The following HSPBAP1 variants were observed in gnomAD, a reference collection of about 807,000 sequenced individuals.
HSPBAP1 encodes the protein HSPB1 associated protein 1, also known as HSPB1-associated protein 1.
In HSPBAP1, 27 loss-of-function variants were observed where a neutral mutation model predicts 45.2. That is an observed-to-expected ratio of 0.60 (90% CI 0.44 to 0.82). The LOEUF (loss-of-function observed/expected upper bound fraction) is 0.82, where lower values mean the gene tolerates loss of function less well. Among genes scored for constraint, HSPBAP1 ranks in the 40% least tolerant of loss-of-function variants. The pLI, the probability that HSPBAP1 is intolerant of heterozygous loss-of-function variation, is 0.00. For synonymous variants in HSPBAP1, 204 were observed against 202.7 expected (o/e 1.01, Z -0.06); for missense variants, 510 against 590.9 (o/e 0.86, Z 1.42).
chr3:122,781,607 A>T (rs1048691234), intron 1 of HSPBAP1, among the ~76,000 whole-genome samples: 2 of 151,526 alleles, frequency 1.3e-5, no homozygotes, highest in Non-Finnish European at 2.9e-5. Context: ...AGTTTTTTTA[A>T]CCCTTGCTCC....
chr3:122,756,098 G>A (rs544985983), intron 4 of HSPBAP1, among the ~76,000 whole-genome samples: 74 of 152,240 alleles, frequency 4.9e-4, no homozygotes, highest in African/African-American at 1.8e-3. Context: ...TGCCAATAGA[G>A]GGAAGACATC....
intron 6 of HSPBAP1, among the ~76,000 whole-genome samples, chr3:122,746,701 G>T (rs988136620): frequency 6.6e-6 from 1 of 151,454 alleles, no homozygotes; most frequent in Non-Finnish European, 1.5e-5. Context: ...CTCTGATGCC[G>T]AGCCGAAGCT....
intron 3 of HSPBAP1, among the ~76,000 whole-genome samples, chr3:122,762,623 T>A (rs1291275935): frequency 1.3e-5 from 2 of 152,220 alleles, no homozygotes; most frequent in Non-Finnish European, 2.9e-5. Flanking sequence ...GATTTACTAT[T>A]TGACTTATGG....
intron 6 of HSPBAP1, among the ~76,000 whole-genome samples, chr3:122,752,231 T>G (rs900357951): frequency 2.0e-5 from 3 of 152,170 alleles, no homozygotes; most frequent in Non-Finnish European, 4.4e-5. Flanking sequence ...AGCAGGTATT[T>G]CCAGCCCAGA....
At chr3:122,785,835 C>A (rs2039769491) in intron 1 of HSPBAP1, among the ~76,000 whole-genome samples, 1 of 140,300 alleles carries the variant, frequency 7.1e-6, no homozygotes. Context: ...ACAGGAGTAG[C>A]CAAATATAGA....
In HSPBAP1 at chr3:122,740,195, G is replaced by A. The variant is rs1933606436; in HGVS notation, c.*150C>T. On this transcript the variant is annotated 3_prime_UTR_variant, in exon 8 of 8. Coordinates refer to ENST00000306103, the MANE Select transcript of HSPBAP1 (RefSeq NM_024610.6). ...CCAAAGAGGAATGTGCATGAAAGAA[G>A]GTGGCAACAGACTGACATGTAATTC... is the stretch of plus-strand genomic sequence containing the variant. 4.3e-6 allele frequency: 2 copies of A among 469,390 alleles called. No homozygotes were observed. Among genetic ancestry groups the A allele is most frequent in the Non-Finnish European group, 7.1e-6 (2 of 281,520 alleles). 29.1% of individuals were successfully genotyped at this position (469,390 alleles called of 1,614,324 possible).
At chr3:122,771,488 A>C (rs1438822381) in intron 2 of HSPBAP1, among the ~76,000 whole-genome samples, 2 of 152,202 alleles carry the variant, frequency 1.3e-5, no homozygotes, top group Non-Finnish European at 2.9e-5. Context: ...AATTATTATA[A>C]AAAGGGGTCC....
chr3:122,758,889 A>C, intron 4 of HSPBAP1: 1 of 308,354 alleles, frequency 3.2e-6, no homozygotes, highest in South Asian at 2.6e-5. Context: ...AAATGTCTCT[A>C]ATTTACCAAA....
At chr3:122,744,562 T>C (rs186518987) in intron 6 of HSPBAP1, among the ~76,000 whole-genome samples, 2 of 152,328 alleles carry the variant, frequency 1.3e-5, no homozygotes, top group Admixed American at 1.3e-4. Context: ...AACAGAATTA[T>C]ACAGAAAGAT....
chr3:122,751,796 T>A (rs1934154828), intron 6 of HSPBAP1, among the ~76,000 whole-genome samples: 1 of 152,236 alleles, frequency 6.6e-6, no homozygotes, highest in Admixed American at 6.5e-5. Context: ...GCTACAACTC[T>A]TCACTAAGCC....
At chr3:122,778,523 A>C (rs372434530) in intron 1 of HSPBAP1, among the ~76,000 whole-genome samples, 18 of 126,830 alleles carry the variant, frequency 1.4e-4, no homozygotes, top group Admixed American at 3.2e-4. Context: ...TTTTTTTTTT[A>C]TTTTTTTTTT....
intron 2 of HSPBAP1, among the ~76,000 whole-genome samples, chr3:122,776,426 A>G (rs1163106511): frequency 1.3e-5 from 2 of 152,248 alleles, no homozygotes; most frequent in Non-Finnish European, 2.9e-5. Flanking sequence ...ATGGGATAAC[A>G]GCAGCTCTGT....
chr3:122,789,533 TCAAA>T (rs1935757276), intron 1 of HSPBAP1, among the ~76,000 whole-genome samples: 1 of 152,218 alleles, frequency 6.6e-6, no homozygotes, highest in African/African-American at 2.4e-5. Flanking sequence ...AGCTGTTATT[TCAAA>T]CAAACAATAT....
intron 1 of HSPBAP1, among the ~76,000 whole-genome samples, chr3:122,790,759 A>G (rs1381847842): frequency 1.3e-5 from 2 of 152,188 alleles, no homozygotes; most frequent in Non-Finnish European, 2.9e-5. Context: ...AGGTGGGAGC[A>G]TCACTTGAGG....
chr3:122,768,925 A>G (rs777520436), intron 2 of HSPBAP1, 43 bp from the exon 3 acceptor site: 3 of 1,188,284 alleles, frequency 2.5e-6, no homozygotes, highest in East Asian at 2.4e-5. Context: ...TAATGAACAC[A>G]TTTCCTAATT....
intron 1 of HSPBAP1, among the ~76,000 whole-genome samples, chr3:122,790,114 C>T (rs747685492): frequency 1.3e-5 from 2 of 152,148 alleles, no homozygotes; most frequent in African/African-American, 4.8e-5. Flanking sequence ...CTGCCTGCCT[C>T]GCCTCCCAAA....
In HSPBAP1 at chr3:122,752,949, A is replaced by C. The variant is rs548056561; in HGVS notation, c.742-275T>G. On this transcript the variant is annotated intron_variant, in intron 5 of 7. Coordinates refer to ENST00000306103, the MANE Select transcript of HSPBAP1 (RefSeq NM_024610.6). ...TCTTTGTCTGCACCTAAATCTTAGT[A>C]CATGATTCTGAGATTCTAATTTTTC... The C allele has an allele frequency of 5.5e-5, 62 of 1,120,600 alleles. 1 individual carries two copies. Among genetic ancestry groups the C allele is most frequent in the Non-Finnish European group, 6.0e-5 (55 of 916,474 alleles). The allele number at this position is 1,120,600 out of a possible 1,614,324, so 69.4% of individuals were successfully genotyped here.
chr3:122,765,609 A>G (rs1437593876), intron 3 of HSPBAP1, among the ~76,000 whole-genome samples: 1 of 151,924 alleles, frequency 6.6e-6, no homozygotes, highest in African/African-American at 2.4e-5. Flanking sequence ...AAAAGAAAAA[A>G]AAAAAGAAAT....
chr3:122,747,119 C>A (rs2107499252), intron 6 of HSPBAP1, among the ~76,000 whole-genome samples: 1 of 151,720 alleles, frequency 6.6e-6, no homozygotes, highest in Middle Eastern at 3.4e-3. Flanking sequence ...CGCCTATCGT[C>A]TGGGATGTGA....
Sources: gnomAD v4.1 joint callset for allele counts (sites outside exome capture counted in the v4.1 genomes callset) on GRCh38, gnomAD v4.1.1 for gene constraint, MANE v1.5 for transcripts, NCBI Gene and HGNC (gene_info 2026-07-23, HGNC 2026-07-21) for gene names.